Variants in DSC3 observed in about 807,000 individuals in gnomAD.
The protein encoded by DSC3 is desmocollin 3, also known as desmocollin-3.
Under a neutral mutation model 89.5 loss-of-function variants are expected in DSC3, and 97 were observed. That is an observed-to-expected ratio of 1.08 (90% CI 0.92 to 1.28). The LOEUF (loss-of-function observed/expected upper bound fraction) is 1.28. DSC3 is among the 50% of genes most tolerant of loss of function. DSC3 has a pLI of 0.00. For synonymous variants in DSC3, 436 were observed against 384.1 expected (o/e 1.14, Z -1.58); for missense variants, 1,199 against 1,085.3 (o/e 1.10, Z -1.47).
At position 31,022,438 on chromosome 18, in the gene DSC3, C is replaced by T; in HGVS notation, c.840G>A (p.Leu280=). 2 of 1,614,054 alleles carry T rather than the reference C, an allele frequency of 1.2e-6. No homozygotes were observed. Among genetic ancestry groups the T allele is most frequent in the East Asian group, 4.5e-5 (2 of 44,860 alleles). ...RDEPDTMHTR[L]KYSILQQTPR... is the part of the protein sequence containing the mutation. ...GTGTCTGCTGCAAAATGCTGTATTT[C>T]AGGCGCGTATGCATTGTGTCCGGTT... is the stretch of plus-strand genomic sequence containing the variant. Residue 280 remains leucine, a synonymous_variant, in exon 7 of 16, where the codon CTG becomes CTA. Coordinates refer to ENST00000360428, the MANE Select transcript of DSC3 (RefSeq NM_001941.5).
intron 9 of DSC3, among the ~76,000 whole-genome samples, chr18:31,017,083 A>G (rs900318718): frequency 6.6e-6 from 1 of 152,176 alleles, no homozygotes; most frequent in Non-Finnish European, 1.5e-5. Context: ...ACTCTCAACT[A>G]TAAAGCATAA....
chr18:31,030,304 G>T (rs1283799611), intron 3 of DSC3, among the ~76,000 whole-genome samples: 1 of 152,162 alleles, frequency 6.6e-6, no homozygotes, highest in East Asian at 1.9e-4. Context: ...CAGCAAGGGA[G>T]ACATTTTATT....
At chr18:31,009,514 C>T (rs1984986360) in intron 9 of DSC3, among the ~76,000 whole-genome samples, 1 of 152,166 alleles carries the variant, frequency 6.6e-6, no homozygotes, top group South Asian at 2.1e-4. Context: ...TCCATCCATG[C>T]CCACTACCTG....
chr18:31,019,028 T>G (rs1419402200), intron 7 of DSC3, among the ~76,000 whole-genome samples: 1 of 152,220 alleles, frequency 6.6e-6, no homozygotes, highest in African/African-American at 2.4e-5. Flanking sequence ...AATTATGCTT[T>G]AAGTAACAGG....
Position 31,008,348 on chromosome 18 carries a change from T to C in DSC3, c.1441A>G (p.Lys481Glu), listed in dbSNP as rs1984935210. Residue 481 changes from lysine to glutamate, a missense_variant, in exon 10 of 16, where the codon AAA becomes GAA. By Grantham distance (56) the Lys-to-Glu change is moderately conservative. Transcript: ENST00000360428. ...TTTGACCCCACTGCTAAGTTTTCTT[T>C]AATCCGCACATATTGGGCTGCAGGA... ...CTPAAQYVRI[K>E]ENLAVGSKIN... The C allele has an allele frequency of 1.9e-6, 3 of 1,614,032 alleles. No individual in the cohort carries two copies. The African/African-American group carries it at 4.0e-5, about 22-fold the overall frequency.
chr18:31,022,469 C>A lies in DSC3; in HGVS notation c.809G>T (p.Arg270Ile), dbSNP rs749944400. ...TTVGVVCATD[R>I]DEPDTMHTRL... ...CGTATGCATTGTGTCCGGTTCATCT[C>A]TGTCTGTGGCACAAACCACCCCCAC... Residue 270 changes from arginine (R) to isoleucine (I), a missense_variant, in exon 7 of 16, where the codon AGA becomes ATA. By Grantham distance (97) the Arg-to-Ile change is moderately conservative. Transcript: ENST00000360428. 1 of 1,614,064 alleles carries A rather than the reference C, an allele frequency of 6.2e-7. No individual in the cohort carries two copies. The highest frequency in any genetic ancestry group is 1.1e-5 in the South Asian group (1 of 91,088).
At chr18:30,997,743 G>A (rs953238700) in intron 14 of DSC3, among the ~76,000 whole-genome samples, 1 of 152,180 alleles carries the variant, frequency 6.6e-6, no homozygotes. Context: ...AATGTTACAA[G>A]AGCACAGAAG....
At chr18:31,015,346 A>G (rs947843822) in intron 9 of DSC3, among the ~76,000 whole-genome samples, 2 of 152,180 alleles carry the variant, frequency 1.3e-5, no homozygotes, top group South Asian at 4.1e-4. Context: ...TGGAATGAGA[A>G]ATATTCTATG....
At chr18:31,018,376 A>G (rs530677885) in intron 8 of DSC3, 120 bp from the exon 9 acceptor site, 16 of 821,694 alleles carry the variant, frequency 1.9e-5, no homozygotes, top group Non-Finnish European at 2.8e-5. Flanking sequence ...TTTTAAAACT[A>G]TGAATCGTAA....
intron 9 of DSC3, among the ~76,000 whole-genome samples, chr18:31,013,159 A>G (rs1985126196): frequency 6.6e-6 from 1 of 152,204 alleles, no homozygotes; most frequent in Non-Finnish European, 1.5e-5. Context: ...TAATTAATAA[A>G]CAATAAATTA....
At position 31,008,171 on chromosome 18, in the gene DSC3, A is replaced by G; in HGVS notation, c.1521-13T>C. The G allele has an allele frequency of 6.2e-7, 1 of 1,608,242 alleles. No homozygotes were observed. The highest frequency in any genetic ancestry group is 1.1e-5 in the South Asian group (1 of 90,608). ...CAATTTTTTGTACCTGTTAATAAAA[A>G]AAAAATAGTCTTTAGCATCAGAAAA... On this transcript the variant is annotated splice_polypyrimidine_tract_variant and intron_variant, in intron 10 of 15. Coordinates refer to ENST00000360428, the MANE Select transcript of DSC3 (RefSeq NM_001941.5).
At chr18:31,039,567 G>A (rs1986070467) in intron 1 of DSC3, among the ~76,000 whole-genome samples, 1 of 152,098 alleles carries the variant, frequency 6.6e-6, no homozygotes, top group Non-Finnish European at 1.5e-5. Flanking sequence ...AAGATTTACT[G>A]CTCTACATTC....
rs751733562 is a variant in DSC3, at chr18:31,032,245, T to C, written c.101A>G (p.Lys34Arg). 1.3e-5 allele frequency: 21 copies of C among 1,613,518 alleles called. No individual in the cohort carries two copies. The South Asian group carries it at 2.1e-4, about 16-fold the overall frequency. ...TTTAGAAGGTACATTAAGTATCACCTTTTTGCAGGCTTCACCAGCACGACT... is the reference window on the plus strand; with the variant it reads ...TTTAGAAGGTACATTAAGTATCACCCTTTTGCAGGCTTCACCAGCACGACT... ...IFSRAGEACK[K>R]VILNVPSKLE... Residue 34 changes from lysine to arginine, a missense_variant, in exon 2 of 16, where the codon AAG becomes AGG. Transcript: ENST00000360428.
At chr18:31,004,051 G>T in intron 13 of DSC3, 91 bp downstream of exon 13, 2 of 988,864 alleles carry the variant, frequency 2.0e-6, no homozygotes, top group Non-Finnish European at 3.1e-6. Flanking sequence ...ACATCTGATG[G>T]ATGCTTGGAC....
rs1238627849 is a variant in DSC3 at position 31,004,195 on chromosome 18, A to G, written c.2060T>C (p.Ile687Thr). The change falls in exon 13 of 16, where the codon ATA becomes ACA. Residue 687 changes from isoleucine to threonine, a missense_variant. Coordinates refer to ENST00000360428, the MANE Select transcript of DSC3 (RefSeq NM_001941.5). ...TGCAAGGATTGCCCATTTTCCAAGTATTACTCCTGTACTCCTTGAAGTCGC... is the reference window on the plus strand; with the variant it reads ...TGCAAGGATTGCCCATTTTCCAAGTGTTACTCCTGTACTCCTTGAAGTCGC... The part of the protein sequence containing the change: ...CRATSRSTGV[I>T]LGKWAILAIL... 1.2e-6 allele frequency: 2 copies of G among 1,613,966 alleles called. No individual in the cohort carries two copies. The highest frequency in any genetic ancestry group is 1.1e-5 in the South Asian group (1 of 91,084).
intron 8 of DSC3, 148 bp downstream of exon 8, chr18:31,018,518 C>T: frequency 4.3e-6 from 4 of 928,862 alleles, no homozygotes; most frequent in Non-Finnish European, 6.5e-6. Context: ...AATAAATTTA[C>T]ATATCACTTG....
At position 31,003,393 on chromosome 18, in the gene DSC3, T is replaced by C. The variant is rs138070686; in HGVS notation, c.2113+749A>G. 7.2e-5 allele frequency among the ~76,000 whole-genome samples: 11 copies of C among 152,350 alleles called. No individual in the cohort carries two copies. In the East Asian group the frequency reaches 7.7e-4, roughly 11 times the overall value. On this transcript the variant is annotated intron_variant, in intron 13 of 15. Coordinates refer to ENST00000360428, the MANE Select transcript of DSC3 (RefSeq NM_001941.5). ...TTTCCTGCCTACAGTAGGTGTTTGATATATGTTTATTTTTTGACTTGATGA... is the reference window on the plus strand; with the variant it reads ...TTTCCTGCCTACAGTAGGTGTTTGACATATGTTTATTTTTTGACTTGATGA...
chr18:31,024,259 T>A, intron 6 of DSC3, 90 bp downstream of exon 6: 1 of 1,255,068 alleles, frequency 8.0e-7, no homozygotes, highest in Non-Finnish European at 1.1e-6. Context: ...CTCAGGCTGA[T>A]CTGGCCTTGA....
At chr18:31,032,316 A>C (rs2144731979) in intron 1 of DSC3, 40 bp from the exon 2 acceptor site, 1 of 1,463,222 alleles carries the variant, frequency 6.8e-7, no homozygotes, top group African/African-American at 1.4e-5. Flanking sequence ...TAGAAAATAA[A>C]GATTAAAAAA....
Sources: gnomAD v4.1 joint callset for allele counts (sites outside exome capture counted in the v4.1 genomes callset) on GRCh38, gnomAD v4.1.1 for gene constraint, MANE v1.5 for transcripts, NCBI Gene and HGNC (gene_info 2026-07-23, HGNC 2026-07-21) for gene names.